Variants in C20orf96 observed in about 807,000 individuals in gnomAD.
C20orf96 encodes the protein chromosome 20 open reading frame 96.
C20orf96 carries 57 observed loss-of-function variants against 52.6 expected under a neutral mutation model. The observed-to-expected ratio is 1.08, with a 90% confidence interval of 0.88 to 1.35. C20orf96 has a LOEUF of 1.35. C20orf96 is among the 40% of genes most tolerant of loss of function. The pLI, the probability that C20orf96 is intolerant of heterozygous loss-of-function variation, is 0.00. For synonymous variants in C20orf96, 168 were observed against 157.2 expected (o/e 1.07, Z -0.51); for missense variants, 478 against 443.6 (o/e 1.08, Z -0.70).
intron 4 of C20orf96, among the ~76,000 whole-genome samples, chr20:280,022 G>A (rs560684396): frequency 4.6e-5 from 7 of 152,172 alleles, no homozygotes; most frequent in South Asian, 2.1e-4. Flanking sequence ...GTGGCAGAGC[G>A]ACCGCCATGT....
intron 4 of C20orf96, among the ~76,000 whole-genome samples, chr20:280,339 TAAC>T (rs537189255): frequency 1.1e-4 from 10 of 90,084 alleles, no homozygotes; most frequent in Admixed American, 3.1e-4. Flanking sequence ...ACAGTAACAA[TAAC>T]AACAACAATT....
chr20:290,724 T>A lies in C20orf96; in HGVS notation c.-114A>T. The stretch of plus-strand genomic sequence containing the variant: ...TAGATCGCGCGGTAACCCAGGCCAC[T>A]CAGAAGTCCCGAGACCCGATGCTTT... On this transcript the variant is annotated 5_prime_UTR_variant, in exon 1 of 11. Coordinates refer to ENST00000360321, the MANE Select transcript of C20orf96 (RefSeq NM_153269.3). 1 of 1,315,520 alleles carries A rather than the reference T, an allele frequency of 7.6e-7. No individual in the cohort carries two copies. Among genetic ancestry groups the A allele is most frequent in the Non-Finnish European group, 1.1e-6 (1 of 935,162 alleles). The allele number at this position is 1,315,520 out of a possible 1,614,324, so 81.5% of individuals were successfully genotyped here.
intron 2 of C20orf96, 99 bp from the exon 3 acceptor site, chr20:289,775 C>A: frequency 1.2e-6 from 1 of 801,824 alleles, no homozygotes; most frequent in Non-Finnish European, 2.0e-6. Context: ...TTGACCTCTC[C>A]TGAGCCTCAA....
chr20:276,485 C>T, intron 9 of C20orf96: 1 of 985,344 alleles, frequency 1.0e-6, no homozygotes, highest in Non-Finnish European at 1.2e-6. Context: ...GGGTGGTGGG[C>T]AGTAACAAGA....
At position 271,136 on chromosome 20, in the gene C20orf96, G is replaced by C. The variant is rs1480273821; in HGVS notation, c.*71C>G. On this transcript the variant is annotated 3_prime_UTR_variant, in exon 11 of 11. Coordinates refer to ENST00000360321, the MANE Select transcript of C20orf96 (RefSeq NM_153269.3). ...GGGTCTGAATGGAGATCCGGTCCTG[G>C]AAGTAAATGATCCAAGGCTCCAGGT... 1.5e-6 allele frequency: 2 copies of C among 1,303,388 alleles called. No homozygotes were observed. Among genetic ancestry groups the C allele is most frequent in the Non-Finnish European group, 2.2e-6 (2 of 922,310 alleles). The allele number at this position is 1,303,388 out of a possible 1,614,324, so 80.7% of individuals were successfully genotyped here.
intron 4 of C20orf96, among the ~76,000 whole-genome samples, chr20:280,721 G>C (rs992977230): frequency 2.2e-4 from 34 of 152,196 alleles, no homozygotes; most frequent in African/African-American, 7.7e-4. Flanking sequence ...GTTGAACCTA[G>C]ACACACCTTG....
intron 3 of C20orf96, among the ~76,000 whole-genome samples, chr20:284,996 C>T (rs2012347104): frequency 6.6e-6 from 1 of 152,202 alleles, no homozygotes; most frequent in African/African-American, 2.4e-5. Context: ...TCACGCCCAC[C>T]TCATAGAGTC....
intron 9 of C20orf96, 97 bp from the exon 10 acceptor site, chr20:276,183 G>A: frequency 1.9e-6 from 3 of 1,593,138 alleles, no homozygotes; most frequent in Non-Finnish European, 2.6e-6. Flanking sequence ...GCTATCTGGG[G>A]AAATGGTATG....
At chr20:271,324 C>T (rs1294686027) in intron 10 of C20orf96, 57 bp from the exon 11 acceptor site, 1 of 1,414,256 alleles carries the variant, frequency 7.1e-7, no homozygotes, top group African/African-American at 1.4e-5. Flanking sequence ...TGTGGGAGCA[C>T]CCACTCAGAG....
intron 10 of C20orf96, among the ~76,000 whole-genome samples, 162 bp from the exon 11 acceptor site, chr20:271,429 TGCATACACAA>T (rs1250709147): frequency 1.3e-5 from 2 of 148,946 alleles, no homozygotes; most frequent in East Asian, 3.9e-4. Context: ...AGCCCAACTG[TGCATACACAA>T]GCATACACAC....
At chr20:273,899 AAGGAAGGGAGGGAGGGAGGGAGGG>A (rs1426474861) in intron 10 of C20orf96, among the ~76,000 whole-genome samples, 11 of 59,064 alleles carry the variant, frequency 1.9e-4, no homozygotes, top group South Asian at 9.8e-4. Context: ...GGAAGAAAGG[AAGGAAGGGAGGGAGGGAGGGAGGG>A]AGGGAGGGAG....
At chr20:272,843 AATCT>A (rs1320326103) in intron 10 of C20orf96, among the ~76,000 whole-genome samples, 3 of 152,080 alleles carry the variant, frequency 2.0e-5, no homozygotes, top group Admixed American at 6.5e-5. Context: ...ATATTTCTCC[AATCT>A]ATCTATTTCT....
At chr20:279,797 C>T (rs2012202929) in intron 4 of C20orf96, among the ~76,000 whole-genome samples, 2 of 152,146 alleles carry the variant, frequency 1.3e-5, no homozygotes, top group African/African-American at 4.8e-5. Context: ...TGGTGAAACC[C>T]CGTCTCCACT....
In C20orf96 at chr20:279,328, G is replaced by A. The variant is rs7271033; in HGVS notation, c.309C>T (p.Thr103=). Residue 103 remains threonine, a splice_region_variant and synonymous_variant, in exon 5 of 11, where the codon ACC becomes ACT. Transcript: ENST00000360321. ...GAGCGGCCCTCCCGCTCCTGAGCGA[G>A]GTCTGCGGGCGGAGGGAAGAGCAGA... is the stretch of plus-strand genomic sequence containing the variant. ...KMHAKIWLMK[T]SLRSGRAALR... is the part of the protein sequence containing the mutation. 5.6e-6 allele frequency: 9 copies of A among 1,602,166 alleles called. No individual in the cohort carries two copies. Among genetic ancestry groups the A allele is most frequent in the Non-Finnish European group, 5.9e-6 (7 of 1,178,388 alleles).
chr20:282,046 T>C (rs1341201632), intron 4 of C20orf96, among the ~76,000 whole-genome samples: 1 of 152,162 alleles, frequency 6.6e-6, no homozygotes, highest in Admixed American at 6.5e-5. Context: ...ATCCTTGAAG[T>C]CTTGCCTCCT....
Position 277,223 on chromosome 20 carries a change from T to C in C20orf96, c.723+3A>G. 6.2e-7 allele frequency: 1 copy of C among 1,614,150 alleles called. No individual in the cohort carries two copies. Among genetic ancestry groups the C allele is most frequent in the Non-Finnish European group, 8.5e-7 (1 of 1,180,006 alleles). On this transcript the variant is annotated splice_donor_region_variant and intron_variant, in intron 7 of 10. Transcript: ENST00000360321. ...GGTGGGAGAGGGGCAGGGGCTCCCC[T>C]ACCTGCTGGCTGTCCTTAACCTGCT...
intron 3 of C20orf96, among the ~76,000 whole-genome samples, chr20:289,288 G>A (rs2012474842): frequency 6.6e-6 from 1 of 151,720 alleles, no homozygotes; most frequent in South Asian, 2.1e-4. Context: ...TCCAGCAGAA[G>A]ACTTCAAGAC....
intron 1 of C20orf96, 138 bp downstream of exon 1, chr20:290,453 G>T: frequency 2.0e-6 from 3 of 1,535,470 alleles, no homozygotes; most frequent in South Asian, 1.2e-5. Context: ...CGGGGCCAAG[G>T]AGATGTGGGC....
intron 4 of C20orf96, among the ~76,000 whole-genome samples, chr20:280,856 A>G (rs1282206839): frequency 6.6e-6 from 1 of 152,224 alleles, no homozygotes; most frequent in East Asian, 1.9e-4. Context: ...GAACTGCCGT[A>G]AAATATAAAT....
Sources: gnomAD v4.1 joint callset for allele counts (sites outside exome capture counted in the v4.1 genomes callset) on GRCh38, gnomAD v4.1.1 for gene constraint, MANE v1.5 for transcripts, NCBI Gene and HGNC (gene_info 2026-07-23, HGNC 2026-07-21) for gene names.